The following MPPED1 variants were observed in gnomAD, a reference collection of about 807,000 sequenced individuals.
MPPED1 encodes the protein metallophosphoesterase domain-containing protein 1.
In MPPED1, 16 loss-of-function variants were observed where a neutral mutation model predicts 36.2. The observed-to-expected ratio is 0.44, with a 90% CI of 0.30 to 0.67. The LOEUF is 0.67. MPPED1 is among the 30% of genes least tolerant of loss of function. The probability of loss-of-function intolerance (pLI) is 0.10; values close to 1 mark genes in which losing one functional copy is unlikely to be tolerated. For synonymous variants in MPPED1, 199 were observed against 191.3 expected, an observed-to-expected ratio of 1.04 and a Z score of -0.33; for missense variants, 307 against 453.4, an observed-to-expected ratio of 0.68 and a Z score of 2.93.
chr22:43,495,524 G>GTGGTGGTGGTGGAGA lies in MPPED1; in HGVS notation c.633-2681_633-2667dup, dbSNP rs1569088733. ...GGTGGAGGTGGTGGTGGTGGTGGAG[G>GTGGTGGTGGTGGAGA]TGGTGGTGGTGGAGATGGTGGTGGT... On this transcript the variant is annotated intron_variant, in intron 4 of 6. Coordinates refer to ENST00000443721, the MANE Select transcript of MPPED1 (RefSeq NM_001044370.2). Among the ~76,000 whole-genome samples, 5 of 120,736 alleles carry GTGGTGGTGGTGGAGA rather than the reference G, an allele frequency of 4.1e-5. 1 individual carries two copies. The highest frequency in any genetic ancestry group is 1.7e-4 in the Admixed American group (2 of 12,040). The allele number at this position is 120,736 out of a possible 152,430, so 79.2% of individuals were successfully genotyped here.
chr22:43,500,200 TAATGGAGGTGGTGGGGGTGATGGTGGA>T (rs1932644290), intron 5 of MPPED1, among the ~76,000 whole-genome samples: 2 of 48,816 alleles, frequency 4.1e-5, no homozygotes, highest in Non-Finnish European at 3.6e-5. Flanking sequence ...ATGGAGGTGG[TAATGGAGGTGGTGGGGGTGATGGTGGA>T]GGTGGTGATG....
At chr22:43,496,063 GGTGGTGGTGGAGGTA>G (rs1602017856) in intron 4 of MPPED1, among the ~76,000 whole-genome samples, 2 of 98,714 alleles carry the variant, frequency 2.0e-5, no homozygotes, top group African/African-American at 3.9e-5. Context: ...TGATGGTGGA[GGTGGTGGTGGAGGTA>G]GTGGTGGTGG....
intron 5 of MPPED1, among the ~76,000 whole-genome samples, chr22:43,499,006 C>T (rs760589756): frequency 3.3e-5 from 5 of 151,780 alleles, no homozygotes; most frequent in Non-Finnish European, 7.4e-5. Context: ...CAGTCCAGGA[C>T]AATGTCTTCT....
At chr22:43,491,752 A>T (rs1036276040) in intron 4 of MPPED1, among the ~76,000 whole-genome samples, 88 of 32,966 alleles carry the variant, frequency 2.7e-3, no homozygotes, top group African/African-American at 4.4e-3. Flanking sequence ...ATGGTGATGG[A>T]GGTAGTGGTG....
rs1928922646 is a variant in MPPED1, at chr22:43,412,139, G to C, written c.-98G>C. The C allele has an allele frequency of 2.0e-6, 2 of 979,696 alleles. No homozygotes were observed. The highest frequency in any genetic ancestry group is 2.4e-6 in the Non-Finnish European group (2 of 827,676). The allele number at this position is 979,696 out of a possible 1,614,324, so 60.7% of individuals were successfully genotyped here. A position where few individuals can be genotyped will look rare whatever the true frequency, so the allele number is the denominator to read the frequency against. On this transcript the variant is annotated 5_prime_UTR_variant, in exon 1 of 7. Transcript: ENST00000443721. ...GCTGCTCGCAGCCGCCGCGGCCGCCGAAGAGGAGCCCGGGGCCAGGTAGGA... is the reference window on the plus strand; with the variant it reads ...GCTGCTCGCAGCCGCCGCGGCCGCCCAAGAGGAGCCCGGGGCCAGGTAGGA...
intron 2 of MPPED1, among the ~76,000 whole-genome samples, chr22:43,431,043 TTTTTTTTTTTTTTTTTTA>T: frequency 1.9e-5 from 2 of 103,720 alleles, no homozygotes; most frequent in African/African-American, 4.0e-5. Flanking sequence ...TTTTTTTTTT[TTTTTTTTTTTTTTTTTTA>T]GACAGAGTCT....
At chr22:43,484,668 C>T (rs1447533448) in intron 4 of MPPED1, among the ~76,000 whole-genome samples, 1 of 152,212 alleles carries the variant, frequency 6.6e-6, no homozygotes, top group Non-Finnish European at 1.5e-5. Flanking sequence ...CATGGTGTTT[C>T]CCTTTCATCC....
At chr22:43,459,934 C>T (rs971501166) in intron 3 of MPPED1, among the ~76,000 whole-genome samples, 5 of 152,194 alleles carry the variant, frequency 3.3e-5, no homozygotes, top group East Asian at 1.9e-4. Context: ...TGTGGCCAGG[C>T]GTGGTGGCTT....
intron 4 of MPPED1, among the ~76,000 whole-genome samples, chr22:43,496,106 A>G (rs371612346): frequency 0.12 from 251 of 2,114 alleles, no homozygotes; most frequent in Non-Finnish European, 0.15. Flanking sequence ...GGTGGTGGAG[A>G]TGGTGGTGGT....
intron 4 of MPPED1, among the ~76,000 whole-genome samples, chr22:43,485,160 C>G (rs1264320840): frequency 6.6e-6 from 1 of 152,044 alleles, no homozygotes; most frequent in Non-Finnish European, 1.5e-5. Context: ...ATATGACATT[C>G]ACATATACAC....
chr22:43,465,087 C>T (rs1311335870), intron 3 of MPPED1, among the ~76,000 whole-genome samples: 3 of 152,214 alleles, frequency 2.0e-5, no homozygotes, highest in Non-Finnish European at 4.4e-5. Flanking sequence ...TATGTCACGT[C>T]TTCATGGAAC....
chr22:43,464,783 GT>G (rs1931104835), intron 3 of MPPED1, among the ~76,000 whole-genome samples: 1 of 152,156 alleles, frequency 6.6e-6, no homozygotes, highest in Non-Finnish European at 1.5e-5. Flanking sequence ...CAGGACTTTG[GT>G]TTTAGTTTTC....
chr22:43,432,513 G>T (rs140549372), intron 2 of MPPED1, among the ~76,000 whole-genome samples: 5 of 108,448 alleles, frequency 4.6e-5, no homozygotes, highest in Non-Finnish European at 5.8e-5. Flanking sequence ...GAGGGAAAGA[G>T]AAAGGGAGGA....
intron 1 of MPPED1, chr22:43,417,148 GC>G: frequency 4.9e-6 from 2 of 410,176 alleles, no homozygotes; most frequent in Non-Finnish European, 6.6e-6. Context: ...TTCAAAATGG[GC>G]CCAGCTAAAA....
chr22:43,447,881 A>ATT (rs1463126887), intron 3 of MPPED1, among the ~76,000 whole-genome samples: 40 of 34,584 alleles, frequency 1.2e-3, no homozygotes, highest in Non-Finnish European at 1.5e-3. Context: ...ATATATATAT[A>ATT]TATTTTTTTT....
intron 5 of MPPED1, among the ~76,000 whole-genome samples, chr22:43,499,843 T>C (rs369452500): frequency 2.1e-4 from 3 of 14,530 alleles, no homozygotes; most frequent in African/African-American, 2.9e-4. Context: ...ATGGAGGTGG[T>C]GGTGGTGATG....
rs1932828358 is a variant in MPPED1, at chr22:43,507,205, T to C, written c.*1589T>C. The C allele has an allele frequency of 6.6e-6, 1 of 152,266 alleles. No homozygotes were observed. Among genetic ancestry groups the C allele is most frequent in the Non-Finnish European group, 1.5e-5 (1 of 68,044 alleles). 9.4% of individuals were successfully genotyped at this position (152,266 alleles called of 1,614,324 possible). ...TGGCCTCACTGCCCTCACTTTGCCATGACCCGAAGTTATGTCCCTACAAAG... is the reference window on the plus strand; with the variant it reads ...TGGCCTCACTGCCCTCACTTTGCCACGACCCGAAGTTATGTCCCTACAAAG... On this transcript the variant is annotated 3_prime_UTR_variant, in exon 7 of 7. Coordinates refer to ENST00000443721, the MANE Select transcript of MPPED1 (RefSeq NM_001044370.2).
chr22:43,420,414 T>TC (rs1450645112), intron 1 of MPPED1, among the ~76,000 whole-genome samples: 3 of 151,954 alleles, frequency 2.0e-5, no homozygotes, highest in Non-Finnish European at 2.9e-5. Context: ...AGACATTTTT[T>TC]TTTTTTTTGA....
intron 4 of MPPED1, among the ~76,000 whole-genome samples, chr22:43,495,273 TGGTGGTGATGGA>T (rs1932229355): frequency 1.4e-5 from 2 of 141,494 alleles, no homozygotes; most frequent in South Asian, 2.3e-4. Flanking sequence ...GAGGTGGTGG[TGGTGGTGATGGA>T]GGTGGTGATG....
Sources: allele counts gnomAD v4.1 joint callset (sites outside exome capture counted in the v4.1 genomes callset), GRCh38; gene constraint gnomAD v4.1.1; transcripts MANE v1.5; gene names NCBI Gene and HGNC (gene_info 2026-07-23, HGNC 2026-07-21).